Variants in SVIL observed in about 807,000 individuals in gnomAD.
The protein encoded by SVIL is supervillin.
Under a neutral mutation model 240.4 loss-of-function variants are expected in SVIL, and 101 were observed. The ratio of observed to expected loss-of-function variants is 0.42; its 90% CI spans 0.36 to 0.50. The LOEUF (loss-of-function observed/expected upper bound fraction) is 0.50, where lower values mean the gene tolerates loss of function less well. Among genes scored for constraint, SVIL ranks in the 20% least tolerant of loss-of-function variants. The pLI is 0.01. For synonymous variants in SVIL, 999 were observed against 1,100.0 expected (o/e 0.91, Z 1.82); for missense variants, 2,512 against 2,818.7 (o/e 0.89, Z 2.46).
At chr10:29,609,159 C>T (rs1301317324) in intron 1 of SVIL, among the ~76,000 whole-genome samples, 2 of 152,216 alleles carry the variant, frequency 1.3e-5, no homozygotes, top group Non-Finnish European at 2.9e-5. Flanking sequence ...GTCTGCATAA[C>T]CTCATTCTTC....
intron 17 of SVIL, among the ~76,000 whole-genome samples, chr10:29,501,503 A>G (rs1948893490): frequency 6.6e-6 from 1 of 152,052 alleles, no homozygotes; most frequent in South Asian, 2.1e-4. Flanking sequence ...GGCCAATGTC[A>G]ACAATGAGTG....
chr10:29,667,585 C>T (rs987655288), intron 2 of SVIL, among the ~76,000 whole-genome samples: 2 of 152,010 alleles, frequency 1.3e-5, no homozygotes. Context: ...GGTGTAGTGG[C>T]TCACACCTGT....
Position 29,470,886 on chromosome 10 carries a change from A to G in SVIL, c.5635+252T>C, listed in dbSNP as rs979757623. On this transcript the variant is annotated intron_variant, in intron 31 of 37. Coordinates refer to ENST00000355867, the MANE Select transcript of SVIL (RefSeq NM_021738.3). ...AGCCACTGATTTTTCTTTCTTCCTA[A>G]AAACAGCAGACAGAGGAGGGGAGAC... Among the ~76,000 whole-genome samples the G allele has an allele frequency of 3.3e-5, 5 of 152,264 alleles. No individual in the cohort carries two copies. The East Asian group carries it at 5.8e-4, about 18-fold the overall frequency.
chr10:29,481,478 G>A, intron 28 of SVIL, 106 bp downstream of exon 28: 7 of 1,375,194 alleles, frequency 5.1e-6, no homozygotes, highest in Non-Finnish European at 7.1e-6. Context: ...GATACATCTG[G>A]GGTGACAGCC....
chr10:29,710,900 T>C (rs1201928611), intron 1 of SVIL, among the ~76,000 whole-genome samples: 1 of 152,208 alleles, frequency 6.6e-6, no homozygotes, highest in Non-Finnish European at 1.5e-5. Context: ...AACAAAGCCT[T>C]GAATTTAAGG....
intron 1 of SVIL, among the ~76,000 whole-genome samples, chr10:29,689,504 T>C (rs1411542432): frequency 3.3e-5 from 5 of 152,220 alleles, no homozygotes; most frequent in Non-Finnish European, 7.3e-5. Flanking sequence ...CAGGCTGGTC[T>C]CGAACTCCTG....
intron 1 of SVIL, among the ~76,000 whole-genome samples, chr10:29,704,388 C>T (rs1188432040): frequency 6.6e-6 from 1 of 152,160 alleles, no homozygotes; most frequent in Non-Finnish European, 1.5e-5. Context: ...TACCATGTCT[C>T]TCTCACTAGC....
chr10:29,713,241 A>G lies in SVIL; in HGVS notation c.-400+22510T>C, dbSNP rs1022485364. Among the ~76,000 whole-genome samples the G allele has an allele frequency of 3.4e-5, 5 of 148,824 alleles. No homozygotes were observed. In the East Asian group the frequency reaches 1.0e-3, roughly 30 times the overall value. On this transcript the variant is annotated intron_variant, in intron 1 of 35. Transcript: ENST00000375400. ...AGAGAGGAATTCATGTACTGATAAA[A>G]CTAAGAAGTTGTACATGCCTCTGTG...
chr10:29,688,809 T>C (rs149055940), intron 1 of SVIL, among the ~76,000 whole-genome samples: 36 of 152,372 alleles, frequency 2.4e-4, no homozygotes, highest in Non-Finnish European at 4.3e-4. Context: ...GTATATGTTT[T>C]AATACACTTA....
intron 21 of SVIL, among the ~76,000 whole-genome samples, chr10:29,491,516 C>T (rs1471124019): frequency 6.6e-6 from 1 of 152,230 alleles, no homozygotes. Context: ...TACTGACCCT[C>T]CATGACTAGC....
Position 29,481,745 on chromosome 10 carries a change from G to A in SVIL, c.4956-17C>T. Reference sequence around the variant, plus strand: ...TGTCCTTTTCTGTAGGGTGGGAGGGGGGTTGGGAGAACAGACAGGAAAAGA... The same window carrying A: ...TGTCCTTTTCTGTAGGGTGGGAGGGAGGTTGGGAGAACAGACAGGAAAAGA... On this transcript the variant is annotated splice_polypyrimidine_tract_variant and intron_variant, in intron 27 of 37. Coordinates refer to ENST00000355867, the MANE Select transcript of SVIL (RefSeq NM_021738.3). 3 of 1,609,986 alleles carry A rather than the reference G, an allele frequency of 1.9e-6. No homozygotes were observed. Among genetic ancestry groups the A allele is most frequent in the South Asian group, 1.1e-5 (1 of 90,250 alleles).
chr10:29,604,725 C>T (rs1400584257), intron 1 of SVIL, among the ~76,000 whole-genome samples: 1 of 151,714 alleles, frequency 6.6e-6, no homozygotes, highest in Non-Finnish European at 1.5e-5. Context: ...TCACTATGCC[C>T]AGCTAATCTT....
At chr10:29,725,829 C>G (rs750249165) in intron 1 of SVIL, among the ~76,000 whole-genome samples, 1 of 152,224 alleles carries the variant, frequency 6.6e-6, no homozygotes, top group Non-Finnish European at 1.5e-5. Flanking sequence ...ATTACAGACA[C>G]TGAGGAACCG....
intron 1 of SVIL, among the ~76,000 whole-genome samples, chr10:29,730,677 C>T (rs1964567391): frequency 6.6e-6 from 1 of 152,170 alleles, no homozygotes; most frequent in Non-Finnish European, 1.5e-5. Flanking sequence ...GGGTGCAACT[C>T]AGCAACCGTG....
chr10:29,616,052 G>C (rs999717231), intron 1 of SVIL, among the ~76,000 whole-genome samples: 3 of 152,178 alleles, frequency 2.0e-5, no homozygotes, highest in Admixed American at 6.5e-5. Context: ...ATCAATTCAA[G>C]GTTATTTCAG....
At position 29,523,811 on chromosome 10, in the gene SVIL, C is replaced by A; in HGVS notation, c.2803G>T (p.Val935Leu). The change falls in exon 15 of 38, where the codon GTA becomes TTA. Residue 935 changes from valine to leucine, a missense_variant. Physicochemically the swap from Val to Leu is conservative, Grantham distance 32 (BLOSUM62 1). Coordinates refer to ENST00000355867, the MANE Select transcript of SVIL (RefSeq NM_021738.3). ...ILKSQAWQPL[V>L]EGSENKGMLR... ...ATTCCCTTGTTCTCGCTACCCTCTA[C>A]CAAAGGCTGCCAAGCTTGCGATTTC... The A allele has an allele frequency of 1.2e-6, 2 of 1,614,214 alleles. No individual in the cohort carries two copies. Among genetic ancestry groups the A allele is most frequent in the Non-Finnish European group, 1.7e-6 (2 of 1,180,040 alleles).
chr10:29,490,948 G>A lies in SVIL; in HGVS notation c.4091C>T (p.Pro1364Leu). ...TTCTCTTGCCGCCAGCATTTTCAGG[G>A]GGTTTTTGGAGGCCTGAACCCGGCG... Reference protein sequence around the residue: ...PKRRVQASKNPLKMLAAREDL... With the variant: ...PKRRVQASKNLLKMLAAREDL... The change falls in exon 22 of 38, where the codon CCC becomes CTC. Residue 1364 changes from proline to leucine, a missense_variant. Around this residue, in one of 3 missense-constraint regions of SVIL, gnomAD observed 272 missense variants for 406.8 expected, o/e 0.67. Transcript: ENST00000355867. 6.2e-7 allele frequency: 1 copy of A among 1,613,990 alleles called. No homozygotes were observed.
chr10:29,701,764 T>A (rs1328957216), intron 1 of SVIL, among the ~76,000 whole-genome samples: 1 of 152,212 alleles, frequency 6.6e-6, no homozygotes, highest in Admixed American at 6.5e-5. Flanking sequence ...ATGGTTCAAT[T>A]ATAAGGCCCC....
At chr10:29,729,833 C>CAAAAAAA (rs71023507) in intron 1 of SVIL, among the ~76,000 whole-genome samples, 3 of 32,524 alleles carry the variant, frequency 9.2e-5, no homozygotes, top group South Asian at 2.0e-3. Context: ...GACTCCATCT[C>CAAAAAAA]AAAAAAAAAA....
Sources: gnomAD v4.1 joint callset for allele counts (sites outside exome capture counted in the v4.1 genomes callset) on GRCh38, gnomAD v4.1.1 for gene constraint, gnomAD v4.1.1 regional missense constraint, MANE v1.5 for transcripts, NCBI Gene and HGNC (gene_info 2026-07-23, HGNC 2026-07-21) for gene names.